Variants in RALYL observed in about 807,000 individuals in gnomAD.
RALYL encodes the protein RNA-binding Raly-like protein.
Under a neutral mutation model 35.1 loss-of-function variants are expected in RALYL, and 29 were observed. The ratio of observed to expected loss-of-function variants is 0.83; its 90% CI spans 0.61 to 1.13. The LOEUF is 1.13. RALYL is among the 50% of genes most tolerant of loss of function. The probability of loss-of-function intolerance (pLI) is 0.00; values close to 1 mark genes in which losing one functional copy is unlikely to be tolerated. For synonymous variants in RALYL, 120 were observed against 127.6 expected (o/e 0.94, Z 0.40); for missense variants, 359 against 360.4 (o/e 1.00, Z 0.03).
At chr8:84,615,780 G>T (rs1486032653) in intron 2 of RALYL, among the ~76,000 whole-genome samples, 1 of 118,514 alleles carries the variant, frequency 8.4e-6, no homozygotes, top group Non-Finnish European at 1.7e-5. Flanking sequence ...AGAGTGTGAT[G>T]TTCCTCTTCC....
chr8:84,348,364 G>A (rs1850239418), intron 1 of RALYL, among the ~76,000 whole-genome samples: 1 of 152,076 alleles, frequency 6.6e-6, no homozygotes, highest in Non-Finnish European at 1.5e-5. Flanking sequence ...TGGCTTGCAT[G>A]CACTTTTTCT....
intron 1 of RALYL, among the ~76,000 whole-genome samples, chr8:84,513,635 T>C (rs970639384): frequency 9.2e-5 from 14 of 152,282 alleles, no homozygotes; most frequent in African/African-American, 3.1e-4. Context: ...TATTATCTTG[T>C]TATATTTAAA....
At chr8:84,377,467 T>TTGTTTGTTTGTTTGTTTG (rs1563816523) in intron 1 of RALYL, among the ~76,000 whole-genome samples, 319 of 142,464 alleles carry the variant, frequency 2.2e-3, no homozygotes, top group African/African-American at 8.6e-3. Context: ...TTTTTTTTTT[T>TTGTTTGTTTGTTTGTTTG]TTTTTTTTCT....
chr8:84,221,286 GGT>G (rs34244361), intron 1 of RALYL, among the ~76,000 whole-genome samples: 56,611 of 150,524 alleles, frequency 0.38, 10,818 homozygotes, highest in Non-Finnish European at 0.43. Context: ...ATGGAAAGCG[GGT>G]GTGTGTGTGT....
At chr8:84,207,964 C>G (rs113460544) in intron 1 of RALYL, among the ~76,000 whole-genome samples, 2 of 151,970 alleles carry the variant, frequency 1.3e-5, no homozygotes, top group Admixed American at 6.6e-5. Flanking sequence ...AATTGCAGTT[C>G]GCTCTTTGAA....
chr8:84,760,331 T>C (rs1812394277), intron 2 of RALYL, among the ~76,000 whole-genome samples: 1 of 151,972 alleles, frequency 6.6e-6, no homozygotes. Flanking sequence ...AGAACAAAAA[T>C]GTACTTGAAG....
At chr8:84,641,941 C>T (rs1826438555) in intron 2 of RALYL, among the ~76,000 whole-genome samples, 2 of 151,790 alleles carry the variant, frequency 1.3e-5, no homozygotes, top group African/African-American at 4.8e-5. Flanking sequence ...GCCCATGCTT[C>T]CAAAGGCATT....
chr8:84,759,134 G>A (rs995276207), intron 2 of RALYL, among the ~76,000 whole-genome samples: 2 of 151,740 alleles, frequency 1.3e-5, no homozygotes, highest in Admixed American at 6.6e-5. Context: ...TCTTCCAAAC[G>A]TAAAGACACT....
chr8:84,592,056 G>A (rs1031845264), intron 2 of RALYL, among the ~76,000 whole-genome samples: 6 of 152,042 alleles, frequency 3.9e-5, no homozygotes, highest in African/African-American at 1.4e-4. Flanking sequence ...GCTAACCAGT[G>A]CATTTTGGTT....
chr8:84,444,413 A>G (rs2048655059), intron 1 of RALYL, among the ~76,000 whole-genome samples: 1 of 152,132 alleles, frequency 6.6e-6, no homozygotes, highest in Non-Finnish European at 1.5e-5. Context: ...ACAAAACATT[A>G]TATAGATCAA....
At chr8:84,780,380 C>A (rs1199733706) in intron 3 of RALYL, among the ~76,000 whole-genome samples, 1 of 152,156 alleles carries the variant, frequency 6.6e-6, no homozygotes, top group Non-Finnish European at 1.5e-5. Context: ...AACCAAATTA[C>A]TAATGTATGG....
At chr8:84,560,321 A>G (rs1465180492) in intron 2 of RALYL, among the ~76,000 whole-genome samples, 17 of 152,018 alleles carry the variant, frequency 1.1e-4, no homozygotes, top group Admixed American at 1.1e-3. Flanking sequence ...AGGGGAAATT[A>G]TCAAAAGAAG....
At chr8:84,879,710 T>C (rs1841841141) in intron 7 of RALYL, among the ~76,000 whole-genome samples, 1 of 152,040 alleles carries the variant, frequency 6.6e-6, no homozygotes, top group African/African-American at 2.4e-5. Context: ...CATAGCAAGC[T>C]TGTAGAAATA....
intron 1 of RALYL, among the ~76,000 whole-genome samples, chr8:84,198,785 A>G (rs1816095093): frequency 6.6e-6 from 1 of 152,112 alleles, no homozygotes. Context: ...GTTTAACATA[A>G]TGGCCTCCAG....
intron 1 of RALYL, among the ~76,000 whole-genome samples, chr8:84,441,854 A>G (rs1049353236): frequency 2.0e-5 from 3 of 152,188 alleles, no homozygotes; most frequent in South Asian, 4.1e-4. Context: ...ATGGCAATTC[A>G]TATCTCAGGA....
Position 84,419,807 on chromosome 8 carries a change from G to T in RALYL, c.-23-109492G>T, listed in dbSNP as rs1317611344. ...TGAGAATATGCGGTATTTGTTTTTT[G>T]TTCTTGCGATAGTTTACTGAGAATG... On this transcript the variant is annotated intron_variant, in intron 1 of 8. Coordinates refer to ENST00000521268, the MANE Select transcript of RALYL (RefSeq NM_173848.7). 8.0e-3 allele frequency among the ~76,000 whole-genome samples: 1,191 copies of T among 149,072 alleles called. 26 individuals carry two copies. The highest frequency in any genetic ancestry group is 0.028 in the African/African-American group (1,105 of 39,832).
chr8:84,523,963 C>T (rs2058681098), intron 1 of RALYL, among the ~76,000 whole-genome samples: 1 of 151,978 alleles, frequency 6.6e-6, no homozygotes, highest in Non-Finnish European at 1.5e-5. Flanking sequence ...GTGAATAATG[C>T]TGCAATAAAC....
At chr8:84,524,692 A>G (rs886421288) in intron 1 of RALYL, among the ~76,000 whole-genome samples, 10 of 152,142 alleles carry the variant, frequency 6.6e-5, no homozygotes, top group African/African-American at 2.4e-4. Flanking sequence ...TCCAAAGGTA[A>G]AAATCTCTCT....
chr8:84,631,911 A>G (rs563423619), intron 2 of RALYL, among the ~76,000 whole-genome samples: 62 of 152,150 alleles, frequency 4.1e-4, no homozygotes, highest in African/African-American at 1.4e-3. Context: ...TTACTTATTT[A>G]TATTATTAAA....
Sources: allele counts gnomAD v4.1 joint callset (sites outside exome capture counted in the v4.1 genomes callset), GRCh38; gene constraint gnomAD v4.1.1; transcripts MANE v1.5; gene names NCBI Gene and HGNC (gene_info 2026-07-23, HGNC 2026-07-21).